IQCB1: variants seen among roughly 807,000 people sequenced by gnomAD.
IQCB1 encodes IQ calmodulin-binding motif-containing protein 1.
In IQCB1, 56 loss-of-function variants were observed where a neutral mutation model predicts 84.4. The ratio of observed to expected loss-of-function variants is 0.66; its 90% confidence interval spans 0.54 to 0.83. The LOEUF is 0.83. Ranked by LOEUF, IQCB1 falls within the 40% of genes least tolerant of loss-of-function variation. The pLI, the probability that IQCB1 is intolerant of heterozygous loss-of-function variation, is 0.00. For synonymous variants in IQCB1, 210 were observed against 234.8 expected (o/e 0.89, Z 0.96); for missense variants, 629 against 682.1 (o/e 0.92, Z 0.87).
intron 7 of IQCB1, among the ~76,000 whole-genome samples, chr3:121,800,877 T>C (rs995303446): frequency 6.6e-6 from 1 of 151,980 alleles, no homozygotes; most frequent in African/African-American, 2.4e-5. Flanking sequence ...TTTCATTTTT[T>C]ACTATTTCAC....
chr3:121,819,835 T>C (rs1228530336), intron 5 of IQCB1, among the ~76,000 whole-genome samples: 3 of 152,056 alleles, frequency 2.0e-5, no homozygotes, highest in African/African-American at 7.2e-5. Flanking sequence ...TAAAAAGAAA[T>C]AGGTAAAACA....
intron 4 of IQCB1, among the ~76,000 whole-genome samples, chr3:121,827,047 G>A (rs1256397508): frequency 6.6e-5 from 10 of 151,936 alleles, no homozygotes; most frequent in Admixed American, 6.6e-4. Context: ...TCTTTGGGGT[G>A]GTACATATAC....
chr3:121,810,676 G>T (rs1429804802), intron 5 of IQCB1, among the ~76,000 whole-genome samples: 4 of 151,984 alleles, frequency 2.6e-5, no homozygotes, highest in Non-Finnish European at 5.9e-5. Flanking sequence ...AAAAGATAAA[G>T]CTTACATAAT....
chr3:121,818,479 G>A (rs1201538303), intron 5 of IQCB1, among the ~76,000 whole-genome samples: 1 of 152,186 alleles, frequency 6.6e-6, no homozygotes, highest in African/African-American at 2.4e-5. Context: ...CAAAAGAAGA[G>A]AGAAGCATGT....
intron 10 of IQCB1, among the ~76,000 whole-genome samples, chr3:121,794,409 A>C (rs558611730): frequency 6.6e-6 from 1 of 152,112 alleles, no homozygotes; most frequent in South Asian, 2.1e-4. Flanking sequence ...ATAGATTGGA[A>C]GTTTGAGGCT....
chr3:121,787,319 T>C (rs1455041605), intron 12 of IQCB1, among the ~76,000 whole-genome samples: 1 of 152,156 alleles, frequency 6.6e-6, no homozygotes, highest in Non-Finnish European at 1.5e-5. Flanking sequence ...GAAATCCTAA[T>C]ATGAAAGTTA....
At chr3:121,814,100 A>T (rs528628341) in intron 5 of IQCB1, among the ~76,000 whole-genome samples, 48 of 152,338 alleles carry the variant, frequency 3.2e-4, no homozygotes, top group African/African-American at 1.1e-3. Context: ...TCAAATTAGA[A>T]CTCAGGATTA....
At chr3:121,822,141 A>G (rs760261831) in intron 5 of IQCB1, among the ~76,000 whole-genome samples, 2 of 152,144 alleles carry the variant, frequency 1.3e-5, no homozygotes, top group African/African-American at 4.8e-5. Flanking sequence ...AGTTCTCCTG[A>G]TTCTAAGGCC....
intron 5 of IQCB1, among the ~76,000 whole-genome samples, chr3:121,821,683 A>G (rs1391198743): frequency 1.3e-5 from 2 of 152,234 alleles, no homozygotes; most frequent in Non-Finnish European, 2.9e-5. Context: ...CCCACAGGCC[A>G]TAGTTTGTTG....
intron 14 of IQCB1, among the ~76,000 whole-genome samples, chr3:121,772,067 G>T: frequency 6.6e-6 from 1 of 152,046 alleles, no homozygotes; most frequent in Middle Eastern, 3.4e-3. Context: ...CCAGCTACTC[G>T]GGGAGGCTGA....
intron 10 of IQCB1, among the ~76,000 whole-genome samples, chr3:121,792,170 T>C (rs6438665): frequency 0.64 from 97,944 of 152,106 alleles, 32,006 homozygotes; most frequent in African/African-American, 0.71. Context: ...GCATTATCAA[T>C]ATTTTAAATA....
chr3:121,835,005 GCTCC>G lies in IQCB1; in HGVS notation c.-145_-142del. On this transcript the variant is annotated 5_prime_UTR_variant, in exon 1 of 15. Transcript: ENST00000310864. ...GCGTTCTTCCACTAAAGAACCTGGG[GCTCC>G]CACGCCGCACTACAGCGCCGCGGCC... The G allele has an allele frequency of 5.8e-6, 3 of 519,596 alleles. No homozygotes were observed. Among genetic ancestry groups the G allele is most frequent in the Admixed American group, 3.3e-5 (1 of 30,120 alleles). The allele number at this position is 519,596 out of a possible 1,614,324, so 32.2% of individuals were successfully genotyped here.
At chr3:121,813,129 A>G (rs1030646929) in intron 5 of IQCB1, among the ~76,000 whole-genome samples, 6 of 152,342 alleles carry the variant, frequency 3.9e-5, no homozygotes, top group African/African-American at 1.4e-4. Context: ...ACTCTTAAAG[A>G]AAATAATTTT....
chr3:121,800,649 A>C (rs1038208691), intron 7 of IQCB1, among the ~76,000 whole-genome samples: 1 of 151,862 alleles, frequency 6.6e-6, no homozygotes, highest in African/African-American at 2.4e-5. Flanking sequence ...TTCTACAGAT[A>C]TCCCTATCCC....
intron 13 of IQCB1, 117 bp from the exon 14 acceptor site, chr3:121,772,830 A>G (rs900351256): frequency 1.1e-6 from 1 of 887,372 alleles, no homozygotes; most frequent in Non-Finnish European, 1.9e-6. Flanking sequence ...ATTGAATCTT[A>G]TGATTGATGT....
At chr3:121,771,102 G>C (rs1947963752) in intron 14 of IQCB1, among the ~76,000 whole-genome samples, 1 of 152,094 alleles carries the variant, frequency 6.6e-6, no homozygotes, top group Non-Finnish European at 1.5e-5. Context: ...CTCCTGAGTA[G>C]CTGGGATTAC....
At chr3:121,771,169 A>C (rs1947969544) in intron 14 of IQCB1, among the ~76,000 whole-genome samples, 1 of 151,152 alleles carries the variant, frequency 6.6e-6, no homozygotes, top group Non-Finnish European at 1.5e-5. Flanking sequence ...CGGGCGTTTC[A>C]CCATGTTGGT....
At chr3:121,814,576 G>GGGGAT (rs1949973859) in intron 5 of IQCB1, among the ~76,000 whole-genome samples, 1 of 152,118 alleles carries the variant, frequency 6.6e-6, no homozygotes, top group Non-Finnish European at 1.5e-5. Flanking sequence ...AAATGATAAA[G>GGGGAT]GGGATATCAC....
At chr3:121,821,759 T>C (rs1165333945) in intron 5 of IQCB1, among the ~76,000 whole-genome samples, 1 of 152,136 alleles carries the variant, frequency 6.6e-6, no homozygotes, top group Non-Finnish European at 1.5e-5. Context: ...TGTTTGAAGG[T>C]TTTAGATAGC....
Sources: allele counts gnomAD v4.1 joint callset (sites outside exome capture counted in the v4.1 genomes callset), GRCh38; gene constraint gnomAD v4.1.1; transcripts MANE v1.5; gene names NCBI Gene and HGNC (gene_info 2026-07-23, HGNC 2026-07-21).